The following CNTNAP2 variants were observed in gnomAD, a reference collection of about 807,000 sequenced individuals.
CNTNAP2 encodes the protein contactin-associated protein-like 2.
Under a neutral mutation model 155.2 loss-of-function variants are expected in CNTNAP2, and 98 were observed. The observed-to-expected ratio is 0.63, with a 90% CI of 0.54 to 0.75. The LOEUF (loss-of-function observed/expected upper bound fraction) is 0.75, where lower values mean the gene tolerates loss of function less well. CNTNAP2 is among the 30% of genes least tolerant of loss of function. The probability of loss-of-function intolerance (pLI) is 0.00; values close to 1 mark genes in which losing one functional copy is unlikely to be tolerated. For missense variants in CNTNAP2, 1,727 were observed against 1,688.1 expected (o/e 1.02, Z -0.40); for synonymous variants, 651 against 631.2 (o/e 1.03, Z -0.47).
chr7:147,057,638 G>C (rs1799587162), intron 4 of CNTNAP2, among the ~76,000 whole-genome samples: 1 of 152,092 alleles, frequency 6.6e-6, no homozygotes, highest in African/African-American at 2.4e-5. Flanking sequence ...TCCCTCAGTT[G>C]TGACAACCAA....
At chr7:146,688,514 G>A (rs1390843542) in intron 1 of CNTNAP2, among the ~76,000 whole-genome samples, 2 of 152,080 alleles carry the variant, frequency 1.3e-5, no homozygotes, top group African/African-American at 4.8e-5. Flanking sequence ...AAAGGGGGTT[G>A]TTCTCTTGTG....
intron 3 of CNTNAP2, among the ~76,000 whole-genome samples, chr7:146,910,380 C>T (rs944264836): frequency 1.0e-4 from 15 of 149,340 alleles, no homozygotes; most frequent in Non-Finnish European, 1.9e-4. Flanking sequence ...AAGCTGGAGG[C>T]ATCACACTAC....
intron 15 of CNTNAP2, among the ~76,000 whole-genome samples, chr7:148,020,136 C>T (rs1802255232): frequency 6.6e-6 from 1 of 152,208 alleles, no homozygotes; most frequent in African/African-American, 2.4e-5. Context: ...GATATTGCTT[C>T]ACCTTTAGTT....
chr7:147,525,491 G>A (rs931926833), intron 11 of CNTNAP2, among the ~76,000 whole-genome samples: 2 of 152,328 alleles, frequency 1.3e-5, no homozygotes, highest in East Asian at 1.9e-4. Context: ...TGTGAAAGAA[G>A]TGAGATACCA....
chr7:147,759,906 G>T (rs1797274008), intron 13 of CNTNAP2, among the ~76,000 whole-genome samples: 1 of 152,074 alleles, frequency 6.6e-6, no homozygotes, highest in Non-Finnish European at 1.5e-5. Flanking sequence ...CCCGTAAAAA[G>T]GATGCCACAG....
intron 9 of CNTNAP2, among the ~76,000 whole-genome samples, chr7:147,352,682 G>A (rs1795986778): frequency 6.6e-6 from 1 of 151,818 alleles, no homozygotes; most frequent in African/African-American, 2.4e-5. Flanking sequence ...CCTTAACCAT[G>A]GTAGAATTCT....
intron 1 of CNTNAP2, among the ~76,000 whole-genome samples, chr7:146,487,071 G>A (rs542499971): frequency 6.6e-6 from 1 of 152,290 alleles, no homozygotes; most frequent in Admixed American, 6.5e-5. Flanking sequence ...TTTAGAGAAT[G>A]AGATTCGCTA....
intron 13 of CNTNAP2, among the ~76,000 whole-genome samples, chr7:147,830,474 A>AT (rs1489173264): frequency 1.3e-5 from 2 of 152,148 alleles, no homozygotes; most frequent in African/African-American, 2.4e-5. Context: ...ATTTCAGCAT[A>AT]TTAATTTGGT....
At chr7:146,758,171 A>C (rs1802025023) in intron 1 of CNTNAP2, among the ~76,000 whole-genome samples, 2 of 151,992 alleles carry the variant, frequency 1.3e-5, no homozygotes, top group South Asian at 4.2e-4. Flanking sequence ...TTTTCTTAAC[A>C]CTTCCCAAAA....
rs1426803675 is a variant in CNTNAP2 at position 147,404,570 on chromosome 7, T to A, written c.1670+8790T>A. 2.0e-5 allele frequency among the ~76,000 whole-genome samples: 3 copies of A among 152,324 alleles called. No individual in the cohort carries two copies. The East Asian group carries it at 5.8e-4, about 29-fold the overall frequency. ...TTCTGATAAATGAAACTACTGGCAA[T>A]TTCTGAGAAGTCCCATTTCATCATG... On this transcript the variant is annotated intron_variant, in intron 10 of 23. Coordinates refer to ENST00000361727, the MANE Select transcript of CNTNAP2 (RefSeq NM_014141.6).
intron 11 of CNTNAP2, among the ~76,000 whole-genome samples, chr7:147,521,595 A>G (rs903413952): frequency 3.9e-5 from 6 of 152,116 alleles, no homozygotes; most frequent in Admixed American, 2.0e-4. Flanking sequence ...TGAAATGGAG[A>G]ATATAAGCTG....
intron 2 of CNTNAP2, among the ~76,000 whole-genome samples, chr7:146,814,662 GA>G (rs1292756646): frequency 6.6e-6 from 1 of 151,970 alleles, no homozygotes; most frequent in Non-Finnish European, 1.5e-5. Context: ...CAAGAATTCT[GA>G]AAACCCAGTA....
intron 14 of CNTNAP2, among the ~76,000 whole-genome samples, chr7:147,944,691 G>A (rs1170332680): frequency 1.3e-5 from 2 of 152,168 alleles, no homozygotes; most frequent in African/African-American, 2.4e-5. Flanking sequence ...TTTTCCTTAA[G>A]CATCCATTCC....
chr7:146,678,814 A>G (rs1280010774), intron 1 of CNTNAP2, among the ~76,000 whole-genome samples: 1 of 152,206 alleles, frequency 6.6e-6, no homozygotes, highest in Admixed American at 6.5e-5. Context: ...GAATATTGAA[A>G]ATCCAATTAC....
At chr7:148,241,048 A>G (rs564249511) in intron 20 of CNTNAP2, among the ~76,000 whole-genome samples, 58 of 152,332 alleles carry the variant, frequency 3.8e-4, no homozygotes, top group African/African-American at 1.3e-3. Context: ...ACACCCAGGA[A>G]CAATACTTTG....
At chr7:147,044,524 C>T (rs1351417399) in intron 4 of CNTNAP2, among the ~76,000 whole-genome samples, 1 of 152,116 alleles carries the variant, frequency 6.6e-6, no homozygotes. Context: ...AAGCCAATCA[C>T]TGGGTTTTAA....
intron 1 of CNTNAP2, among the ~76,000 whole-genome samples, chr7:146,328,324 C>T (rs976908375): frequency 2.6e-5 from 4 of 152,126 alleles, no homozygotes; most frequent in Non-Finnish European, 2.9e-5. Context: ...AACTGGTCCC[C>T]GGTGCCAAAA....
chr7:146,687,528 T>C lies in CNTNAP2; in HGVS notation c.98-86743T>C, dbSNP rs28552964. Among the ~76,000 whole-genome samples the C allele has an allele frequency of 6.3e-3, 958 of 152,338 alleles. 9 individuals are homozygous for C. The highest frequency in any genetic ancestry group is 0.022 in the African/African-American group (917 of 41,582). ...AGGGAACGACTCGACTTAAAAGTTTTCTGGTAGTTCTTATCTAAATGATGC... is the reference window on the plus strand; with the variant it reads ...AGGGAACGACTCGACTTAAAAGTTTCCTGGTAGTTCTTATCTAAATGATGC... On this transcript the variant is annotated intron_variant, in intron 1 of 23. Transcript: ENST00000361727.
At chr7:146,812,445 A>C (rs7806504) in intron 2 of CNTNAP2, among the ~76,000 whole-genome samples, 1 of 144,570 alleles carries the variant, frequency 6.9e-6, no homozygotes, top group Non-Finnish European at 1.5e-5. Context: ...ATATATAAAA[A>C]ATATATATAT....
Sources: gnomAD v4.1 joint callset for allele counts (sites outside exome capture counted in the v4.1 genomes callset) on GRCh38, gnomAD v4.1.1 for gene constraint, MANE v1.5 for transcripts, NCBI Gene and HGNC (gene_info 2026-07-23, HGNC 2026-07-21) for gene names.